FILIP1L: variants seen among roughly 807,000 people sequenced by gnomAD.
FILIP1L encodes the protein filamin A interacting protein 1 like.
A neutral mutation model predicts 96.6 loss-of-function variants in FILIP1L; 55 were observed. The ratio of observed to expected loss-of-function variants is 0.57; its 90% confidence interval spans 0.46 to 0.71. The LOEUF (loss-of-function observed/expected upper bound fraction) is 0.71. FILIP1L is among the 30% of genes least tolerant of loss of function. The pLI, the probability that FILIP1L is intolerant of heterozygous loss-of-function variation, is 0.00. For missense variants in FILIP1L, 1,304 were observed against 1,321.2 expected (o/e 0.99, Z 0.20); for synonymous variants, 467 against 473.9 (o/e 0.99, Z 0.19).
chr3:100,040,035 G>A (rs1477114676), intron 1 of FILIP1L: 1 of 152,218 alleles, frequency 6.6e-6, no homozygotes, highest in African/African-American at 2.4e-5. Flanking sequence ...TTACAGGCAT[G>A]AGCCACCGTG....
chr3:99,835,464 T>G (rs1942858320), intron 5 of FILIP1L, among the ~76,000 whole-genome samples: 3 of 152,234 alleles, frequency 2.0e-5, no homozygotes. Flanking sequence ...ACCAGGTGCC[T>G]TTATTAGCCA....
chr3:99,855,912 G>A (rs760509247), intron 4 of FILIP1L, among the ~76,000 whole-genome samples: 3 of 152,220 alleles, frequency 2.0e-5, no homozygotes, highest in Admixed American at 6.5e-5. Flanking sequence ...AGCCAAACCA[G>A]TCATTCAGGA....
At chr3:100,095,911 A>G (rs1220892648) in intron 1 of FILIP1L, among the ~76,000 whole-genome samples, 1 of 152,220 alleles carries the variant, frequency 6.6e-6, no homozygotes, top group African/African-American at 2.4e-5. Flanking sequence ...AAGGAGCTCA[A>G]ACAACTACAT....
chr3:100,030,342 G>A (rs927470559), intron 1 of FILIP1L, among the ~76,000 whole-genome samples: 7 of 152,138 alleles, frequency 4.6e-5, no homozygotes, highest in Non-Finnish European at 1.0e-4. Context: ...TGGCTCCCTG[G>A]CATGCGTGTT....
chr3:99,935,444 T>G (rs1371693079), intron 1 of FILIP1L, among the ~76,000 whole-genome samples: 1 of 152,180 alleles, frequency 6.6e-6, no homozygotes, highest in Non-Finnish European at 1.5e-5. Flanking sequence ...ACGATAACCT[T>G]CAGGAGTGTA....
intron 5 of FILIP1L, 113 bp downstream of exon 5, chr3:99,848,182 T>G (rs1943454412): frequency 1.9e-6 from 3 of 1,539,952 alleles, no homozygotes; most frequent in African/African-American, 1.4e-5. Flanking sequence ...AAGTACGAGT[T>G]CAGTCAGTCT....
At chr3:100,057,125 A>G (rs1299038855) in intron 1 of FILIP1L, among the ~76,000 whole-genome samples, 2 of 152,248 alleles carry the variant, frequency 1.3e-5, no homozygotes, top group Admixed American at 6.5e-5. Context: ...CTGCAGTCAG[A>G]GAAGCTCTGG....
At chr3:100,067,819 G>A (rs1035450428) in intron 1 of FILIP1L, among the ~76,000 whole-genome samples, 2 of 152,078 alleles carry the variant, frequency 1.3e-5, no homozygotes, top group Non-Finnish European at 2.9e-5. Flanking sequence ...TTTCAAAGAG[G>A]CTTTAATGGC....
chr3:99,905,321 A>T (rs1050561874), intron 4 of FILIP1L, among the ~76,000 whole-genome samples: 5 of 151,722 alleles, frequency 3.3e-5, no homozygotes, highest in Admixed American at 3.3e-4. Context: ...GTGTGCACTT[A>T]CTCCTAGATA....
intron 4 of FILIP1L, among the ~76,000 whole-genome samples, chr3:99,883,403 T>C (rs558832018): frequency 6.6e-6 from 1 of 152,350 alleles, no homozygotes; most frequent in African/African-American, 2.4e-5. Flanking sequence ...ATCATTTTAG[T>C]CTTTTCACAC....
intron 1 of FILIP1L, among the ~76,000 whole-genome samples, chr3:99,981,022 T>G (rs558813656): frequency 6.6e-6 from 1 of 152,132 alleles, no homozygotes; most frequent in Non-Finnish European, 1.5e-5. Context: ...AAGAGACAAT[T>G]GGTCTTGCTA....
chr3:100,039,291 C>A (rs573788031), intron 1 of FILIP1L, among the ~76,000 whole-genome samples: 2 of 152,252 alleles, frequency 1.3e-5, no homozygotes, highest in Admixed American at 6.5e-5. Context: ...TGTTCTTGAT[C>A]ACAGTAGTAC....
intron 5 of FILIP1L, among the ~76,000 whole-genome samples, chr3:99,831,024 ATGAG>A (rs1374195378): frequency 3.9e-5 from 6 of 152,166 alleles, no homozygotes; most frequent in African/African-American, 1.4e-4. Flanking sequence ...TTTTCACAGT[ATGAG>A]TGAGATGGGC....
At chr3:99,838,043 T>A (rs939787413) in intron 5 of FILIP1L, among the ~76,000 whole-genome samples, 4 of 152,230 alleles carry the variant, frequency 2.6e-5, no homozygotes, top group African/African-American at 9.6e-5. Context: ...CTGAGGCTAA[T>A]CAGGTACCTC....
At chr3:99,887,221 T>G (rs1705930268) in intron 4 of FILIP1L, among the ~76,000 whole-genome samples, 1 of 151,646 alleles carries the variant, frequency 6.6e-6, no homozygotes, top group South Asian at 2.1e-4. Flanking sequence ...TAGCCGAGAT[T>G]GAGCCATTGC....
At chr3:99,872,269 C>CTGTGTGTGTGTGTGTGTGTGTGTGTG (rs55727823) in intron 4 of FILIP1L, among the ~76,000 whole-genome samples, 1 of 110,740 alleles carries the variant, frequency 9.0e-6, no homozygotes, top group Admixed American at 9.0e-5. Flanking sequence ...TGTGCCAGGA[C>CTGTGTGTGTGTGTGTGTGTGTGTGTG]TGTGTGTGTG....
chr3:99,913,686 C>G (rs1443122489), intron 4 of FILIP1L, among the ~76,000 whole-genome samples: 2 of 152,092 alleles, frequency 1.3e-5, no homozygotes, highest in African/African-American at 4.8e-5. Context: ...AGAAACTATT[C>G]ATGGTGGATT....
chr3:100,015,912 G>T (rs1032614230), intron 1 of FILIP1L, among the ~76,000 whole-genome samples: 21 of 152,086 alleles, frequency 1.4e-4, no homozygotes, highest in Non-Finnish European at 1.5e-5. Context: ...CTCAAAAATT[G>T]TTTTTTTAAA....
chr3:99,928,118 T>C (rs1159720507), intron 3 of FILIP1L, among the ~76,000 whole-genome samples: 2 of 152,218 alleles, frequency 1.3e-5, no homozygotes, highest in Non-Finnish European at 2.9e-5. Context: ...TCAAGATGCT[T>C]ATTCTCATGT....
Sources: allele counts gnomAD v4.1 joint callset (sites outside exome capture counted in the v4.1 genomes callset), GRCh38; gene constraint gnomAD v4.1.1; transcripts MANE v1.5; gene names NCBI Gene and HGNC (gene_info 2026-07-23, HGNC 2026-07-21).